DMBT1: variants seen among roughly 807,000 people sequenced by gnomAD.
DMBT1 encodes scavenger receptor cysteine-rich domain-containing protein DMBT1.
DMBT1 carries 198 observed loss-of-function variants against 252.9 expected under a neutral mutation model. The ratio of observed to expected loss-of-function variants is 0.78; its 90% confidence interval spans 0.70 to 0.88. The LOEUF is 0.88. Ranked by LOEUF, DMBT1 falls within the 40% of genes least tolerant of loss-of-function variation. DMBT1 has a pLI of 0.00. For synonymous variants in DMBT1, 990 were observed against 942.7 expected (o/e 1.05, Z -0.92); for missense variants, 2,432 against 2,404.7 (o/e 1.01, Z -0.24).
At chr10:122,589,850 T>A (rs146279598) in intron 17 of DMBT1, among the ~76,000 whole-genome samples, 1 of 148,612 alleles carries the variant, frequency 6.7e-6, no homozygotes, top group East Asian at 2.1e-4. Flanking sequence ...AAGTTGTTCA[T>A]GAATGGTTGG....
At chr10:122,599,781 A>G (rs1283968537) in intron 26 of DMBT1, among the ~76,000 whole-genome samples, 2 of 152,138 alleles carry the variant, frequency 1.3e-5, no homozygotes, top group Non-Finnish European at 2.9e-5. Flanking sequence ...TTGCTGACTC[A>G]AGAATGCCTA....
At position 122,625,923 on chromosome 10, in the gene DMBT1, T is replaced by C; in HGVS notation, c.5636-10T>C. 1 of 1,610,362 alleles carries C rather than the reference T, an allele frequency of 6.2e-7. No individual in the cohort carries two copies. On this transcript the variant is annotated splice_polypyrimidine_tract_variant and intron_variant, in intron 45 of 55. Transcript: ENST00000338354. ...ACTAAAATCCTAAACAGCTTCATTT[T>C]TTTTTCTAGATTGGTGGCATCCAAC...
Position 122,637,165 on chromosome 10 carries a change from G to A in DMBT1, c.6795G>A (p.Val2265=). 6.2e-7 allele frequency: 1 copy of A among 1,614,020 alleles called. No individual in the cohort carries two copies. Among genetic ancestry groups the A allele is most frequent in the Non-Finnish European group, 8.5e-7 (1 of 1,179,892 alleles). The change falls in exon 54 of 56, where the codon GTG becomes GTA. Residue 2265 remains valine (V), a synonymous_variant. Transcript: ENST00000338354. ...TGCCAAATCACATGCAAGCCAGTGT[G>A]AGCAGGAGCTATCTCCAATCCTTGG... ...LCLPNHMQAS[V]SRSYLQSLGF...
At chr10:122,588,144 A>C (rs2097807731) in intron 16 of DMBT1, among the ~76,000 whole-genome samples, 1 of 148,556 alleles carries the variant, frequency 6.7e-6, no homozygotes, top group African/African-American at 2.4e-5. Flanking sequence ...CGACCACCAC[A>C]TTACCTGCAT....
At position 122,584,703 on chromosome 10, in the gene DMBT1, C is replaced by G. The variant is rs147655361; in HGVS notation, c.1420+352C>G. ...TTGAGAGTGATTGCCAAAGTCTCCT[C>G]GGAAGCCAATGTCAGCTAAAGCCTT... On this transcript the variant is annotated intron_variant, in intron 14 of 55. Coordinates refer to ENST00000338354, the MANE Select transcript of DMBT1 (RefSeq NM_001377530.1). Among the ~76,000 whole-genome samples, 1,085 of 149,058 alleles carry G rather than the reference C, an allele frequency of 7.3e-3. 177 individuals carry two copies. In the East Asian group the frequency reaches 0.16, roughly 22 times the overall value.
intron 51 of DMBT1, 33 bp from the exon 52 acceptor site, chr10:122,633,158 G>C (rs776559322): frequency 6.2e-7 from 1 of 1,611,556 alleles, no homozygotes; most frequent in Non-Finnish European, 8.5e-7. Context: ...GTGCTCTGGG[G>C]GTCACCGACA....
In DMBT1 at chr10:122,631,077, G is replaced by C. The variant is rs756025127; in HGVS notation, c.6142G>C (p.Glu2048Gln). 1.2e-6 allele frequency: 2 copies of C among 1,614,010 alleles called. No homozygotes were observed. Among genetic ancestry groups the C allele is most frequent in the South Asian group, 2.2e-5 (2 of 91,076 alleles). Reference protein sequence around the residue: ...TVCDDSWTIQEAEVVCRQLGC... With the variant: ...TVCDDSWTIQQAEVVCRQLGC... ...TTGTGATGACTCCTGGACCATTCAG[G>C]AAGCTGAGGTGGTCTGCAGACAGCT... Residue 2048 changes from glutamate to glutamine, a missense_variant, in exon 49 of 56, where the codon GAA (glutamate) becomes CAA (glutamine). Around this residue, in one of 3 missense-constraint regions of DMBT1, gnomAD observed 1,162 missense variants for 1,169.0 expected, o/e 0.99. Coordinates refer to ENST00000338354, the MANE Select transcript of DMBT1 (RefSeq NM_001377530.1).
At chr10:122,628,099 A>G (rs2098131261) in intron 46 of DMBT1, among the ~76,000 whole-genome samples, 1 of 152,184 alleles carries the variant, frequency 6.6e-6, no homozygotes, top group South Asian at 2.1e-4. Context: ...CCACTTTGAG[A>G]AGCAGTTTGG....
At chr10:122,626,036 C>T in intron 46 of DMBT1, 71 bp downstream of exon 46, 14 of 1,315,868 alleles carry the variant, frequency 1.1e-5, no homozygotes, top group African/African-American at 2.9e-5. Context: ...TATCCATGAG[C>T]GAATGCTCTG....
intron 47 of DMBT1, 143 bp downstream of exon 47, chr10:122,630,136 ATC>A: frequency 7.3e-7 from 1 of 1,378,216 alleles, no homozygotes; most frequent in Non-Finnish European, 1.0e-6. Flanking sequence ...ACCATAAAGC[ATC>A]AGGGAACACT....
Position 122,633,285 on chromosome 10 carries a change from G to A in DMBT1, c.6492G>A (p.Val2164=). Residue 2164 remains valine, a synonymous_variant, in exon 52 of 56, where the codon GTG becomes GTA. Coordinates refer to ENST00000338354, the MANE Select transcript of DMBT1 (RefSeq NM_001377530.1). Reference sequence around the variant, plus strand: ...ACTATCCAAACAATGCCAAGTGTGTGTGGGACATTGAGGTGCAAAACAACT... The same window carrying A: ...ACTATCCAAACAATGCCAAGTGTGTATGGGACATTGAGGTGCAAAACAACT... ...PGNYPNNAKC[V]WDIEVQNNYR... is the part of the protein sequence containing the mutation. 3 of 1,614,002 alleles carry A rather than the reference G, an allele frequency of 1.9e-6. No individual in the cohort carries two copies. The highest frequency in any genetic ancestry group is 2.2e-5 in the South Asian group (2 of 91,078).
chr10:122,600,450 T>C (rs1429948593), intron 27 of DMBT1, among the ~76,000 whole-genome samples: 3 of 152,236 alleles, frequency 2.0e-5, no homozygotes, highest in East Asian at 1.9e-4. Context: ...CCCTCTGACC[T>C]GTTCAAGGCA....
chr10:122,625,928 T>A lies in DMBT1; in HGVS notation c.5636-5T>A. Reference sequence around the variant, plus strand: ...AATCCTAAACAGCTTCATTTTTTTTTCTAGATTGGTGGCATCCAACAACTA... The same window carrying A: ...AATCCTAAACAGCTTCATTTTTTTTACTAGATTGGTGGCATCCAACAACTA... On this transcript the variant is annotated splice_region_variant and splice_polypyrimidine_tract_variant and intron_variant, in intron 45 of 55. Coordinates refer to ENST00000338354, the MANE Select transcript of DMBT1 (RefSeq NM_001377530.1). 6.2e-7 allele frequency: 1 copy of A among 1,610,828 alleles called. No individual in the cohort carries two copies. The highest frequency in any genetic ancestry group is 8.5e-7 in the Non-Finnish European group (1 of 1,176,992).
At position 122,586,137 on chromosome 10, in the gene DMBT1, G is replaced by C. The variant is rs773397036; in HGVS notation, c.1537G>C (p.Gly513Arg). ...GGGCCGAGTGGAGGTCCTATACCGA[G>C]GCTCCTGGGGCACCGTGTGTGATGA... ...CQGRVEVLYR[G>R]SWGTVCDDSW... is the part of the protein sequence containing the mutation. Residue 513 changes from glycine to arginine, a missense_variant, in exon 16 of 56, where the codon GGC becomes CGC. Around this residue, in one of 3 missense-constraint regions of DMBT1, gnomAD observed 1,264 missense variants for 1,082.2 expected, o/e 1.17. Coordinates refer to ENST00000338354, the MANE Select transcript of DMBT1 (RefSeq NM_001377530.1). 2.5e-6 allele frequency: 4 copies of C among 1,589,134 alleles called. 1 individual carries two copies. The South Asian group carries it at 4.6e-5, about 18-fold the overall frequency.
At position 122,637,261 on chromosome 10, in the gene DMBT1, G is replaced by A. The variant is rs375023768; in HGVS notation, c.6891G>A (p.Pro2297=). The A allele has an allele frequency of 2.7e-5, 43 of 1,613,742 alleles. No homozygotes were observed. In the African/African-American group the frequency reaches 4.0e-4, roughly 15 times the overall value. The change falls in exon 54 of 56, where the codon CCG becomes CCA. Residue 2297 remains proline (P), a synonymous_variant. Transcript: ENST00000338354. ...ACGAGTGTCGGCCCCAGATAACGCC[G>A]AACCTGGTGATATTCACAATTCCCT... ...GYYECRPQIT[P]NLVIFTIPYS...
intron 46 of DMBT1, among the ~76,000 whole-genome samples, 193 bp from the exon 47 acceptor site, chr10:122,629,647 G>C (rs1429307477): frequency 6.6e-6 from 1 of 152,206 alleles, no homozygotes; most frequent in Non-Finnish European, 1.5e-5. Flanking sequence ...AGGGAAAGCA[G>C]GGACTTGAAT....
chr10:122,577,327 T>C (rs2097721254), intron 7 of DMBT1, among the ~76,000 whole-genome samples: 1 of 152,096 alleles, frequency 6.6e-6, no homozygotes, highest in Non-Finnish European at 1.5e-5. Flanking sequence ...TTATGATTGC[T>C]GTGAAGAGAG....
chr10:122,623,409 GA>G (rs1454110509), intron 44 of DMBT1, among the ~76,000 whole-genome samples: 1 of 152,182 alleles, frequency 6.6e-6, no homozygotes, highest in African/African-American at 2.4e-5. Flanking sequence ...CCAATTTTGG[GA>G]GATATATACC....
At chr10:122,621,530 G>A in intron 44 of DMBT1, 150 bp downstream of exon 44, 1 of 1,400,156 alleles carries the variant, frequency 7.1e-7, no homozygotes, top group Non-Finnish European at 9.6e-7. Context: ...GAATCCATAT[G>A]AATTCACTGC....
Sources: gnomAD v4.1 joint callset for allele counts (sites outside exome capture counted in the v4.1 genomes callset) on GRCh38, gnomAD v4.1.1 for gene constraint, gnomAD v4.1.1 regional missense constraint, MANE v1.5 for transcripts, NCBI Gene and HGNC (gene_info 2026-07-23, HGNC 2026-07-21) for gene names.